C1orf94: variants seen among roughly 807,000 people sequenced by gnomAD.
C1orf94 encodes uncharacterized protein C1orf94.
Under a neutral mutation model 53.6 loss-of-function variants are expected in C1orf94, and 45 were observed. That is an observed-to-expected ratio of 0.84 (90% CI 0.66 to 1.08). The LOEUF is 1.08. C1orf94 is among the 50% of genes least tolerant of loss of function. C1orf94 has a pLI of 0.00. For synonymous variants in C1orf94, 304 were observed against 296.1 expected (o/e 1.03, Z -0.27); for missense variants, 762 against 738.9 (o/e 1.03, Z -0.36).
At chr1:34,204,056 C>A (rs1384825040) in intron 4 of C1orf94, among the ~76,000 whole-genome samples, 1 of 152,166 alleles carries the variant, frequency 6.6e-6, no homozygotes, top group Non-Finnish European at 1.5e-5. Context: ...ATTTGCTGCC[C>A]CAGCCTGGCC....
rs1287621437 is a variant in C1orf94 at position 34,177,972 on chromosome 1, C to T, written c.183C>T (p.Ser61=). ...IWIHQDTPQD[S]LDKTCHEIWK... ...TCCACCAGGACACACCCCAAGACAGCCTAGACAAGACTTGCCATGAAATCT... is the reference window on the plus strand; with the variant it reads ...TCCACCAGGACACACCCCAAGACAGTCTAGACAAGACTTGCCATGAAATCT... Residue 61 remains serine (S), a synonymous_variant, in exon 1 of 7, where the codon AGC becomes AGT. Coordinates refer to ENST00000488417, the MANE Select transcript of C1orf94 (RefSeq NM_001134734.2). 7 of 1,551,760 alleles carry T rather than the reference C, an allele frequency of 4.5e-6. No individual in the cohort carries two copies. The South Asian group carries it at 8.3e-5, about 18-fold the overall frequency.
intron 1 of C1orf94, among the ~76,000 whole-genome samples, chr1:34,196,921 C>T (rs1642595993): frequency 6.6e-6 from 1 of 152,138 alleles, no homozygotes; most frequent in African/African-American, 2.4e-5. Context: ...GCATGAAGAA[C>T]AAGGAGGAAT....
rs772244049 is a variant in C1orf94, at chr1:34,218,725, C to G, written c.1761C>G (p.Pro587=). The G allele has an allele frequency of 6.2e-7, 1 of 1,612,940 alleles. No individual in the cohort carries two copies. The highest frequency in any genetic ancestry group is 1.1e-5 in the South Asian group (1 of 90,862). Residue 587 remains proline, a synonymous_variant, in exon 7 of 7, where the codon CCC becomes CCG. Coordinates refer to ENST00000488417, the MANE Select transcript of C1orf94 (RefSeq NM_001134734.2). ...STSGGPLMHS[P]YFSSSGNGIN... is the part of the protein sequence containing the mutation. The stretch of plus-strand genomic sequence containing the variant: ...CCGGAGGGCCCTTGATGCACAGCCC[C>G]TATTTTTCTTCCAGTGGGAATGGCA...
chr1:34,204,162 C>G (rs989016019), intron 4 of C1orf94, among the ~76,000 whole-genome samples: 7 of 152,166 alleles, frequency 4.6e-5, no homozygotes, highest in African/African-American at 1.4e-4. Flanking sequence ...TCCTAGGAAC[C>G]CTATGTCATT....
intron 5 of C1orf94, among the ~76,000 whole-genome samples, chr1:34,211,917 C>T (rs1642895202): frequency 6.6e-6 from 1 of 152,106 alleles, no homozygotes; most frequent in Admixed American, 6.5e-5. Flanking sequence ...TATTGATTTG[C>T]TATTTACTAT....
At chr1:34,175,042 A>T (rs751265669), upstream of C1orf94, among the ~76,000 whole-genome samples, 28 of 152,246 alleles carry the variant, frequency 1.8e-4, no homozygotes, top group Middle Eastern at 0.01. Flanking sequence ...AATTAAAACA[A>T]CCCCATGTGG....
In C1orf94 at chr1:34,197,327, T is replaced by G; in HGVS notation, c.423T>G (p.Ser141=). Residue 141 remains serine (S), a synonymous_variant, in exon 2 of 7, where the codon TCT becomes TCG. Coordinates refer to ENST00000488417, the MANE Select transcript of C1orf94 (RefSeq NM_001134734.2). The surrounding 1 kb of genome is among the most constrained non-coding windows in gnomAD (Gnocchi z 4.1). The part of the protein sequence containing the change: ...KEHSILVEES[S]GELEVPGSSP... ...ACTCGATCCTGGTCGAAGAGAGTTC[T>G]GGGGAGCTGGAGGTACCCGGCAGCT... 1.3e-6 allele frequency: 2 copies of G among 1,577,798 alleles called. No individual in the cohort carries two copies. Among genetic ancestry groups the G allele is most frequent in the South Asian group, 2.3e-5 (2 of 87,312 alleles).
At chr1:34,214,021 C>G (rs2148623719) in intron 6 of C1orf94, among the ~76,000 whole-genome samples, 1 of 152,274 alleles carries the variant, frequency 6.6e-6, no homozygotes, top group Non-Finnish European at 1.5e-5. Flanking sequence ...TTGAATTTAG[C>G]CTGCAGGGGA....
upstream of C1orf94, among the ~76,000 whole-genome samples, chr1:34,174,905 A>G (rs987714765): frequency 3.9e-5 from 6 of 152,210 alleles, 1 homozygote; most frequent in Admixed American, 2.6e-4. Flanking sequence ...ATTTAATGAT[A>G]AGAAATGTTC....
intron 1 of C1orf94, among the ~76,000 whole-genome samples, chr1:34,193,696 C>T (rs1642534484): frequency 6.6e-6 from 1 of 152,206 alleles, no homozygotes; most frequent in African/African-American, 2.4e-5. Flanking sequence ...ATCCAGGCTA[C>T]TGCCCAGGCA....
intron 6 of C1orf94, among the ~76,000 whole-genome samples, chr1:34,215,550 C>A (rs1448505266): frequency 6.6e-6 from 1 of 152,134 alleles, no homozygotes; most frequent in Non-Finnish European, 1.5e-5. Flanking sequence ...AAGGCAGTGA[C>A]CCTGGGAAAG....
chr1:34,208,133 T>A, intron 4 of C1orf94, 24 bp from the exon 5 acceptor site: 1 of 1,613,106 alleles, frequency 6.2e-7, no homozygotes, highest in Non-Finnish European at 8.5e-7. Context: ...TGCCTGGCCA[T>A]ACTGAGCCTC....
intron 4 of C1orf94, among the ~76,000 whole-genome samples, chr1:34,204,143 G>C (rs74063796): frequency 0.091 from 13,869 of 152,108 alleles, 1,318 homozygotes; most frequent in African/African-American, 0.24. Context: ...TCCCTTCCCC[G>C]CTCTCCACTC....
At chr1:34,174,347 G>A (rs1642190567), upstream of C1orf94, among the ~76,000 whole-genome samples, 1 of 152,184 alleles carries the variant, frequency 6.6e-6, no homozygotes, top group Non-Finnish European at 1.5e-5. Context: ...TAAGCAATTG[G>A]TTAGTAATAG....
intron 4 of C1orf94, among the ~76,000 whole-genome samples, chr1:34,204,926 G>A (rs1642768307): frequency 1.3e-5 from 2 of 152,036 alleles, no homozygotes; most frequent in Admixed American, 6.5e-5. Flanking sequence ...GAATAAACCA[G>A]AGATCAGCTC....
In C1orf94 at chr1:34,218,999, T is replaced by G. The variant is rs1319028976; in HGVS notation, c.*238T>G. 1 of 344,848 alleles carries G rather than the reference T, an allele frequency of 2.9e-6. No homozygotes were observed. The highest frequency in any genetic ancestry group is 5.2e-6 in the Non-Finnish European group (1 of 192,372). 21.4% of individuals were successfully genotyped at this position (344,848 alleles called of 1,614,324 possible). A position where few individuals can be genotyped will look rare whatever the true frequency, so the allele number is the denominator to read the frequency against. ...CATGACCCTCATATTCATACTTGCT[T>G]GCTCAACCACTTATGCATCTATATT... On this transcript the variant is annotated 3_prime_UTR_variant, in exon 7 of 7. Transcript: ENST00000488417.
chr1:34,198,211 G>A (rs1478929), intron 2 of C1orf94, among the ~76,000 whole-genome samples: 9,909 of 152,254 alleles, frequency 0.065, 873 homozygotes, highest in African/African-American at 0.2. Context: ...GAATCAAACG[G>A]GTGTCCAGAG....
intron 6 of C1orf94, among the ~76,000 whole-genome samples, chr1:34,217,045 A>G (rs1643000199): frequency 6.6e-6 from 1 of 152,198 alleles, no homozygotes; most frequent in Non-Finnish European, 1.5e-5. Context: ...ATGCCACTGC[A>G]CTCCAGCCTG....
intron 1 of C1orf94, among the ~76,000 whole-genome samples, chr1:34,179,508 C>T (rs1467834): frequency 0.26 from 39,765 of 152,246 alleles, 6,146 homozygotes; most frequent in South Asian, 0.46. Flanking sequence ...GAGACAGACT[C>T]GACTTCCAGT....
Sources: gnomAD v4.1 joint callset for allele counts (sites outside exome capture counted in the v4.1 genomes callset) on GRCh38, gnomAD v4.1.1 for gene constraint, Gnocchi (gnomAD v3.1) non-coding constraint, MANE v1.5 for transcripts, NCBI Gene and HGNC (gene_info 2026-07-23, HGNC 2026-07-21) for gene names.